The following NEBL variants were observed in gnomAD, a reference collection of about 807,000 sequenced individuals.
NEBL encodes the protein LIM and SH3 protein 2.
Under a neutral mutation model 140.2 loss-of-function variants are expected in NEBL, and 122 were observed. The observed-to-expected ratio is 0.87, with a 90% CI of 0.75 to 1.01. NEBL has a LOEUF of 1.01. Ranked by LOEUF, NEBL falls within the 50% of genes least tolerant of loss-of-function variation. The pLI is 0.00. For synonymous variants in NEBL, 436 were observed against 398.9 expected (o/e 1.09, Z -1.11); for missense variants, 1,365 against 1,231.3 (o/e 1.11, Z -1.62).
chr10:21,274,851 T>TA (rs1564553954), intron 1 of NEBL, among the ~76,000 whole-genome samples: 1 of 152,004 alleles, frequency 6.6e-6, no homozygotes, highest in Admixed American at 6.6e-5. Flanking sequence ...AAATAAAATT[T>TA]AAAAAGAAAA....
chr10:21,172,167 T>A (rs1469043847), intron 2 of NEBL: 2 of 575,880 alleles, frequency 3.5e-6, no homozygotes, highest in East Asian at 5.9e-5. Context: ...ACTAACCTGA[T>A]TGAAGATGCA....
upstream of NEBL, chr10:21,175,159 T>C (rs1841269768): frequency 6.6e-6 from 1 of 152,212 alleles, no homozygotes. Context: ...GCAAAATGAA[T>C]CGAACACAGC....
At chr10:21,217,628 T>A (rs781113362) in intron 3 of NEBL, among the ~76,000 whole-genome samples, 2 of 152,246 alleles carry the variant, frequency 1.3e-5, no homozygotes, top group Non-Finnish European at 2.9e-5. Context: ...TGACCCTAGA[T>A]AAGATACTTC....
intron 2 of NEBL, among the ~76,000 whole-genome samples, chr10:21,127,197 A>G (rs532670662): frequency 1.3e-5 from 2 of 152,228 alleles, no homozygotes; most frequent in East Asian, 3.9e-4. Flanking sequence ...ATTATTCAGA[A>G]AATGGATCAA....
chr10:21,013,673 T>C (rs1434973437), intron 3 of NEBL, among the ~76,000 whole-genome samples: 1 of 152,050 alleles, frequency 6.6e-6, no homozygotes, highest in Non-Finnish European at 1.5e-5. Context: ...AGGTCAGGAG[T>C]TCGAGACCAG....
chr10:21,103,966 A>G (rs1227343373), intron 2 of NEBL, among the ~76,000 whole-genome samples: 2 of 152,142 alleles, frequency 1.3e-5, no homozygotes. Flanking sequence ...TTCTTCCATG[A>G]GCTGTGAGGT....
chr10:21,077,883 TC>T (rs1405391607), intron 2 of NEBL, among the ~76,000 whole-genome samples: 1 of 152,034 alleles, frequency 6.6e-6, no homozygotes, highest in Non-Finnish European at 1.5e-5. Flanking sequence ...GCTATGGGCT[TC>T]CCACACTATT....
intron 3 of NEBL, among the ~76,000 whole-genome samples, chr10:21,247,432 G>A (rs186190812): frequency 6.6e-6 from 1 of 152,276 alleles, no homozygotes; most frequent in Non-Finnish European, 1.5e-5. Context: ...CAGATCGGTA[G>A]CTGTCTGGGG....
chr10:20,814,817 C>A (rs1157216723), intron 22 of NEBL, among the ~76,000 whole-genome samples: 1 of 152,112 alleles, frequency 6.6e-6, no homozygotes, highest in African/African-American at 2.4e-5. Context: ...CAATGAGGAA[C>A]AAATTTAGTT....
chr10:20,809,950 G>GAAAAAAAAAAAAAAAAAAA (rs200571909), intron 24 of NEBL, 52 bp from the exon 25 acceptor site: 4 of 683,194 alleles, frequency 5.9e-6, no homozygotes, highest in Admixed American at 2.8e-5. Context: ...TTTAAAAAAG[G>GAAAAAAAAAAAAAAAAAAA]AAAAAAAAAA....
At chr10:20,901,588 A>G (rs936168473), upstream of NEBL, among the ~76,000 whole-genome samples, 16 of 151,892 alleles carry the variant, frequency 1.1e-4, no homozygotes, top group African/African-American at 3.2e-4. Context: ...GGGGGGAAAA[A>G]AGTACAGAGA....
At chr10:20,963,511 A>T (rs956320802) in intron 3 of NEBL, among the ~76,000 whole-genome samples, 2 of 152,192 alleles carry the variant, frequency 1.3e-5, no homozygotes, top group Non-Finnish European at 2.9e-5. Context: ...CCAAAGACAG[A>T]GGTGAAAAGA....
At chr10:20,878,400 T>C (rs201136473) in intron 5 of NEBL, among the ~76,000 whole-genome samples, 2 of 152,350 alleles carry the variant, frequency 1.3e-5, no homozygotes, top group East Asian at 3.9e-4. Context: ...ATAGCCATAG[T>C]GCAAAGTGAC....
At chr10:21,020,454 T>C (rs551934574) in intron 2 of NEBL, among the ~76,000 whole-genome samples, 3 of 152,204 alleles carry the variant, frequency 2.0e-5, no homozygotes, top group East Asian at 1.9e-4. Context: ...TCTTCACCCA[T>C]GCTCAAGGTT....
At chr10:21,143,473 C>CAAAAAAAAAAAAAAA (rs1839745073) in intron 2 of NEBL, among the ~76,000 whole-genome samples, 1 of 122,074 alleles carries the variant, frequency 8.2e-6, no homozygotes. Flanking sequence ...AAAAAAAAAT[C>CAAAAAAAAAAAAAAA]AAACGTGAAA....
intron 3 of NEBL, among the ~76,000 whole-genome samples, chr10:21,015,027 A>C (rs528822129): frequency 2.0e-5 from 3 of 152,106 alleles, no homozygotes; most frequent in Admixed American, 2.0e-4. Flanking sequence ...ATCTGCCCTC[A>C]TAAATTACAC....
At chr10:21,110,905 C>T (rs1231705049) in intron 2 of NEBL, 6 of 567,798 alleles carry the variant, frequency 1.1e-5, no homozygotes, top group East Asian at 9.5e-5. Flanking sequence ...AATGTCTGTA[C>T]AAAATCAATG....
intron 2 of NEBL, among the ~76,000 whole-genome samples, chr10:21,117,728 TA>T (rs897009721): frequency 6.6e-6 from 1 of 152,168 alleles, no homozygotes; most frequent in African/African-American, 2.4e-5. Context: ...TCTCTATAGC[TA>T]AAAAGCTTCC....
upstream of NEBL, among the ~76,000 whole-genome samples, chr10:21,176,238 A>G (rs562022219): frequency 1.3e-5 from 2 of 152,230 alleles, no homozygotes; most frequent in African/African-American, 4.8e-5. Context: ...CCTGGGCTCA[A>G]GCGATCCTCC....
Sources: allele counts gnomAD v4.1 joint callset (sites outside exome capture counted in the v4.1 genomes callset), GRCh38; gene constraint gnomAD v4.1.1; transcripts MANE v1.5; gene names NCBI Gene and HGNC (gene_info 2026-07-23, HGNC 2026-07-21).